The following MED16 variants were observed in gnomAD, a reference collection of about 807,000 sequenced individuals.
MED16 encodes the protein mediator of RNA polymerase II transcription subunit 16.
In MED16, 81 loss-of-function variants were observed where a neutral mutation model predicts 84.4. The ratio of observed to expected loss-of-function variants is 0.96; its 90% CI spans 0.80 to 1.15. The LOEUF is 1.15. Among genes scored for constraint, MED16 ranks in the 50% most tolerant of loss-of-function variants. The probability of loss-of-function intolerance (pLI) is 0.00; values close to 1 mark genes in which losing one functional copy is unlikely to be tolerated. For synonymous variants in MED16, 897 were observed against 552.2 expected, an observed-to-expected ratio of 1.62 and a Z score of -8.76; for missense variants, 1,585 against 1,245.9, an observed-to-expected ratio of 1.27 and a Z score of -4.10.
intron 6 of MED16, 142 bp from the exon 7 acceptor site, chr19:881,856 G>T: frequency 9.7e-7 from 1 of 1,027,812 alleles, no homozygotes; most frequent in Non-Finnish European, 1.4e-6. Context: ...ATGCCCAGAA[G>T]ACCAGGCCCG....
chr19:886,721 T>C (rs934949096), intron 4 of MED16, among the ~76,000 whole-genome samples: 11 of 152,222 alleles, frequency 7.2e-5, no homozygotes, highest in Admixed American at 4.6e-4. Flanking sequence ...CAAATCAAAT[T>C]TGTCAAGTCA....
chr19:871,222 G>C lies in MED16; in HGVS notation c.2130C>G (p.Asp710Glu), dbSNP rs8100258. 7 of 1,544,622 alleles carry C rather than the reference G, an allele frequency of 4.5e-6. No individual in the cohort carries two copies. The highest frequency in any genetic ancestry group is 2.4e-5 in the East Asian group (1 of 41,064). ...CRDEGPASEP[D>E]EALVDECCLL... Reference sequence around the variant, plus strand: ...GGCAGCATTCATCCACCAGCGCCTCGTCCGGCTCGCTCGCTGGGCCCTCAT... The same window carrying C: ...GGCAGCATTCATCCACCAGCGCCTCCTCCGGCTCGCTCGCTGGGCCCTCAT... Residue 710 changes from aspartate (D) to glutamate (E), a missense_variant, in exon 13 of 16, where the codon GAC becomes GAG. Transcript: ENST00000325464.
rs528133848 is a variant in MED16, at chr19:884,703, A to G, written c.985+200T>C. 7.2e-5 allele frequency among the ~76,000 whole-genome samples: 11 copies of G among 152,264 alleles called. No homozygotes were observed. The South Asian group carries it at 2.1e-3, about 29-fold the overall frequency. ...CGGGCGTGGAAGGATGGAGGAGTCT[A>G]TACGCCTAACACACTCAGAATGCTG... On this transcript the variant is annotated intron_variant, in intron 6 of 15. Transcript: ENST00000325464.
intron 11 of MED16, 100 bp downstream of exon 11, chr19:873,349 G>A (rs554233565): frequency 7.7e-6 from 8 of 1,043,924 alleles, no homozygotes; most frequent in Non-Finnish European, 5.3e-6. Context: ...AACTAGGGGC[G>A]GGGCTGAGGT....
At chr19:872,863 G>A (rs1442005020) in intron 11 of MED16, 3 of 735,412 alleles carry the variant, frequency 4.1e-6, no homozygotes, top group African/African-American at 3.9e-5. Flanking sequence ...CCTGGGAGGC[G>A]GGGCTTTGAG....
intron 7 of MED16, among the ~76,000 whole-genome samples, chr19:880,684 C>G (rs1300641717): frequency 6.6e-6 from 1 of 152,218 alleles, no homozygotes; most frequent in African/African-American, 2.4e-5. Flanking sequence ...CTTTGGGAGG[C>G]TGAGGCGGGC....
chr19:885,133 C>G (rs944615161), intron 5 of MED16, 125 bp from the exon 6 acceptor site: 1 of 674,296 alleles, frequency 1.5e-6, no homozygotes, highest in Admixed American at 2.5e-5. Flanking sequence ...CCACGCCTGC[C>G]CCTCGGGCCC....
chr19:868,353 T>TAGC, intron 15 of MED16, 63 bp downstream of exon 15: 1 of 1,592,298 alleles, frequency 6.3e-7, no homozygotes, highest in Non-Finnish European at 8.5e-7. Context: ...AGCTGAGGAG[T>TAGC]AGCTGAGGGG....
chr19:890,887 C>T (rs1599347647), intron 2 of MED16, 76 bp downstream of exon 2: 5 of 1,498,886 alleles, frequency 3.3e-6, no homozygotes, highest in East Asian at 4.7e-5. Context: ...CCCTTCAAGG[C>T]AGTGGGCCGG....
chr19:882,364 A>G (rs1389797930), intron 6 of MED16, among the ~76,000 whole-genome samples: 3 of 150,548 alleles, frequency 2.0e-5, no homozygotes, highest in Admixed American at 6.6e-5. Context: ...CACAGTAAAC[A>G]TTAGCTGTGT....
chr19:883,246 C>T (rs2036456158), intron 6 of MED16, among the ~76,000 whole-genome samples: 1 of 147,112 alleles, frequency 6.8e-6, no homozygotes, highest in South Asian at 2.2e-4. Context: ...GCATGGTGGG[C>T]ACGTGGGGCG....
At chr19:877,248 G>T in intron 8 of MED16, 68 bp from the exon 9 acceptor site, 1 of 1,478,688 alleles carries the variant, frequency 6.8e-7, no homozygotes, top group South Asian at 1.2e-5. Context: ...GAGAGGAATG[G>T]GGCCCTGGGG....
intron 12 of MED16, chr19:871,489 C>T (rs2036053629): frequency 1.3e-6 from 2 of 1,482,726 alleles, no homozygotes; most frequent in Non-Finnish European, 9.0e-7. Flanking sequence ...CTCCCTCATT[C>T]ACTTAAAAAG....
At position 877,197 on chromosome 19, in the gene MED16, C is replaced by A. The variant is rs1278141655; in HGVS notation, c.1354-17G>T. The A allele has an allele frequency of 6.3e-7, 1 of 1,597,002 alleles. No individual in the cohort carries two copies. The highest frequency in any genetic ancestry group is 2.3e-5 in the East Asian group (1 of 44,344). Reference sequence around the variant, plus strand: ...CACGCTCAGCTGCCAGAGACAGAGCCCAAGGAGAGCCCGGTGAGATGGGGC... The same window carrying A: ...CACGCTCAGCTGCCAGAGACAGAGCACAAGGAGAGCCCGGTGAGATGGGGC... On this transcript the variant is annotated splice_polypyrimidine_tract_variant and intron_variant, in intron 8 of 15. Coordinates refer to ENST00000325464, the MANE Select transcript of MED16 (RefSeq NM_005481.3).
rs994199295 is a variant in MED16 at position 893,148 on chromosome 19, G to A, written c.-81C>T. The A allele has an allele frequency of 2.4e-4, 36 of 152,386 alleles. No individual in the cohort carries two copies. Among genetic ancestry groups the A allele is most frequent in the African/African-American group, 8.7e-4 (36 of 41,602 alleles). The allele number at this position is 152,386 out of a possible 1,614,324, so 9.4% of individuals were successfully genotyped here. A position where few individuals can be genotyped will look rare whatever the true frequency, so the allele number is the denominator to read the frequency against. ...GGTGCGATCTTCCCTAGCGCCTCGG[G>A]TCTGGCGCCGCCATCTTCCTCGGTA... On this transcript the variant is annotated 5_prime_UTR_variant, in exon 1 of 16. Coordinates refer to ENST00000325464, the MANE Select transcript of MED16 (RefSeq NM_005481.3).
chr19:868,669 A>G (rs1438378970), intron 14 of MED16, among the ~76,000 whole-genome samples, 170 bp from the exon 15 acceptor site: 4 of 151,820 alleles, frequency 2.6e-5, no homozygotes, highest in Admixed American at 6.6e-5. Context: ...CCCCCCAGCA[A>G]TGCTGCTCCC....
intron 13 of MED16, among the ~76,000 whole-genome samples, chr19:869,380 C>G (rs935464571): frequency 3.6e-4 from 53 of 149,256 alleles, no homozygotes; most frequent in African/African-American, 1.2e-3. Context: ...GACCTCTGAA[C>G]GACAAGATTC....
chr19:888,836 T>C (rs1307999738), intron 4 of MED16, among the ~76,000 whole-genome samples: 12 of 152,104 alleles, frequency 7.9e-5, no homozygotes, highest in Non-Finnish European at 1.5e-5. Context: ...AGAAAAGATC[T>C]TGTCCACTGC....
Position 880,037 on chromosome 19 carries a change from G to A in MED16, c.1253C>T (p.Ala418Val), listed in dbSNP as rs1401996916. 6.2e-7 allele frequency: 1 copy of A among 1,610,792 alleles called. No homozygotes were observed. Among genetic ancestry groups the A allele is most frequent in the Non-Finnish European group, 8.5e-7 (1 of 1,179,156 alleles). Residue 418 changes from alanine (A) to valine (V), a missense_variant, in exon 8 of 16, where the codon GCC becomes GTC. Coordinates refer to ENST00000325464, the MANE Select transcript of MED16 (RefSeq NM_005481.3). ...SAAPRPVDEPAMKRPRTAGPA... is the reference protein window; with the variant it reads ...SAAPRPVDEPVMKRPRTAGPA... ...GCCCGCGGTGCGGGGGCGCTTCATG[G>A]CCGGCTCATCCACAGGCCTCGGGGC...
Sources: gnomAD v4.1 joint callset for allele counts (sites outside exome capture counted in the v4.1 genomes callset) on GRCh38, gnomAD v4.1.1 for gene constraint, MANE v1.5 for transcripts, NCBI Gene and HGNC (gene_info 2026-07-23, HGNC 2026-07-21) for gene names.